LSAMP: variants seen among roughly 807,000 people sequenced by gnomAD.
LSAMP encodes limbic system associated membrane protein, also known as limbic system-associated membrane protein.
A neutral mutation model predicts 38.6 loss-of-function variants in LSAMP; 7 were observed. That is an observed-to-expected ratio of 0.18 (90% CI 0.10 to 0.34). LSAMP has a LOEUF of 0.34. Ranked by LOEUF, LSAMP falls within the 10% of genes least tolerant of loss-of-function variation. The pLI, the probability that LSAMP is intolerant of heterozygous loss-of-function variation, is 1.00. For missense variants in LSAMP, 313 were observed against 420.0 expected (o/e 0.75, Z 2.23); for synonymous variants, 154 against 166.8 (o/e 0.92, Z 0.59).
chr3:116,212,078 A>G (rs2046164659), intron 1 of LSAMP, among the ~76,000 whole-genome samples: 1 of 152,242 alleles, frequency 6.6e-6, no homozygotes, highest in African/African-American at 2.4e-5. Context: ...TACCCAATCC[A>G]GTGACACAGA....
At chr3:116,253,016 C>A (rs1328937113) in intron 1 of LSAMP, among the ~76,000 whole-genome samples, 1 of 152,148 alleles carries the variant, frequency 6.6e-6, no homozygotes, top group Non-Finnish European at 1.5e-5. Context: ...CGAATCAATA[C>A]GACATTCAAC....
Position 116,375,325 on chromosome 3 carries a change from A to C in LSAMP, c.155+69552T>G, listed in dbSNP as rs530792944. Reference sequence around the variant, plus strand: ...AAACAAACTGTTAATATTAAAAAACAGGCAAACTATTTTTTAAATTTTTTA... The same window carrying C: ...AAACAAACTGTTAATATTAAAAAACCGGCAAACTATTTTTTAAATTTTTTA... On this transcript the variant is annotated intron_variant, in intron 1 of 6. Transcript: ENST00000490035. Among the ~76,000 whole-genome samples the C allele has an allele frequency of 3.3e-5, 5 of 152,092 alleles. No individual in the cohort carries two copies. In the South Asian group the frequency reaches 1.0e-3, roughly 31 times the overall value.
intron 1 of LSAMP, among the ~76,000 whole-genome samples, chr3:116,409,270 A>T (rs1239875268): frequency 6.6e-6 from 1 of 152,058 alleles, no homozygotes; most frequent in Non-Finnish European, 1.5e-5. Context: ...AATTTGGCAC[A>T]GAGATGCTTT....
chr3:116,004,510 G>GTA lies in LSAMP; in HGVS notation c.514+15003_514+15004dup, dbSNP rs557334055. On this transcript the variant is annotated intron_variant, in intron 3 of 6. Coordinates refer to ENST00000490035, the MANE Select transcript of LSAMP (RefSeq NM_002338.5). ...CATACATGAAACCAAATGTGTGTGT[G>GTA]TATATATATGTGTATATATATATAT... Among the ~76,000 whole-genome samples, 987 of 130,280 alleles carry GTA rather than the reference G, an allele frequency of 7.6e-3. 6 individuals are homozygous for GTA. Among genetic ancestry groups the GTA allele is most frequent in the African/African-American group, 0.027 (899 of 33,536 alleles). 85.5% of individuals were successfully genotyped at this position (130,280 alleles called of 152,430 possible).
At chr3:115,930,374 C>T (rs1302347851) in intron 3 of LSAMP, among the ~76,000 whole-genome samples, 2 of 152,032 alleles carry the variant, frequency 1.3e-5, no homozygotes, top group African/African-American at 4.8e-5. Flanking sequence ...CTGAGCCCCT[C>T]CTTGAGGAGG....
chr3:115,873,208 A>G (rs1341793797), intron 3 of LSAMP, among the ~76,000 whole-genome samples: 4 of 152,020 alleles, frequency 2.6e-5, no homozygotes, highest in African/African-American at 9.7e-5. Context: ...TGTCTCTACC[A>G]AAAATACAAA....
intron 1 of LSAMP, among the ~76,000 whole-genome samples, chr3:116,390,146 C>G (rs1027399771): frequency 6.6e-6 from 1 of 151,904 alleles, no homozygotes; most frequent in Non-Finnish European, 1.5e-5. Context: ...CACACACACA[C>G]ACACACACAC....
chr3:116,251,199 T>C (rs1230268597), intron 1 of LSAMP, among the ~76,000 whole-genome samples: 3 of 152,226 alleles, frequency 2.0e-5, no homozygotes, highest in African/African-American at 2.4e-5. Flanking sequence ...GAATAAATTA[T>C]TGTTAATTTA....
At chr3:116,054,492 C>G (rs1368698196) in intron 2 of LSAMP, among the ~76,000 whole-genome samples, 3 of 152,094 alleles carry the variant, frequency 2.0e-5, no homozygotes, top group Non-Finnish European at 4.4e-5. Context: ...TAAGCATGGG[C>G]TCCTACAGAC....
chr3:115,905,636 T>C (rs4831205), intron 3 of LSAMP, among the ~76,000 whole-genome samples: 19,319 of 152,102 alleles, frequency 0.13, 1,416 homozygotes, highest in Middle Eastern at 0.2. Context: ...TAAGAATTAT[T>C]AAAGTCACAG....
chr3:116,308,455 G>T (rs1253743514), intron 1 of LSAMP, among the ~76,000 whole-genome samples: 1 of 152,032 alleles, frequency 6.6e-6, no homozygotes, highest in African/African-American at 2.4e-5. Context: ...ATTAATGAAT[G>T]AATGAATGCA....
chr3:116,349,467 AC>A (rs750224716), intron 1 of LSAMP, among the ~76,000 whole-genome samples: 15 of 146,312 alleles, frequency 1.0e-4, no homozygotes, highest in East Asian at 4.0e-4. Flanking sequence ...CAGAATAATG[AC>A]CCCCCCCAAA....
At chr3:116,313,246 G>A (rs1394715688) in intron 1 of LSAMP, among the ~76,000 whole-genome samples, 1 of 152,138 alleles carries the variant, frequency 6.6e-6, no homozygotes, top group African/African-American at 2.4e-5. Context: ...TACTCTGTTG[G>A]AGTCACAGGA....
intron 3 of LSAMP, among the ~76,000 whole-genome samples, chr3:115,994,533 T>C (rs1480907919): frequency 1.3e-5 from 2 of 152,096 alleles, no homozygotes; most frequent in African/African-American, 2.4e-5. Context: ...GTAACTGATA[T>C]AGTGTGCTGT....
At chr3:116,232,699 C>CTTTCTTTCTTTT (rs1310867132) in intron 1 of LSAMP, among the ~76,000 whole-genome samples, 4 of 99,450 alleles carry the variant, frequency 4.0e-5, no homozygotes, top group African/African-American at 1.3e-4. Context: ...TTCTTTCTTT[C>CTTTCTTTCTTTT]TTTTTTTTTT....
At chr3:116,040,708 T>TGGCTA (rs1215426838) in intron 2 of LSAMP, among the ~76,000 whole-genome samples, 2 of 152,156 alleles carry the variant, frequency 1.3e-5, no homozygotes, top group African/African-American at 4.8e-5. Flanking sequence ...AAACCTGAAG[T>TGGCTA]GGCTAGAGTA....
At chr3:116,366,447 A>G (rs1191202655) in intron 1 of LSAMP, among the ~76,000 whole-genome samples, 1 of 152,164 alleles carries the variant, frequency 6.6e-6, no homozygotes, top group African/African-American at 2.4e-5. Flanking sequence ...AAGCATAGGT[A>G]TAGTCTTTTG....
chr3:116,130,409 C>T (rs1709098369), intron 1 of LSAMP, among the ~76,000 whole-genome samples: 1 of 152,194 alleles, frequency 6.6e-6, no homozygotes, highest in Non-Finnish European at 1.5e-5. Context: ...AGCCAAAGTT[C>T]TTACATGAGG....
At chr3:116,160,067 G>A (rs1270073340) in intron 1 of LSAMP, among the ~76,000 whole-genome samples, 5 of 152,088 alleles carry the variant, frequency 3.3e-5, no homozygotes, top group African/African-American at 7.2e-5. Context: ...CAGACACTGG[G>A]GCCTACTCAG....
Sources: gnomAD v4.1 joint callset for allele counts (sites outside exome capture counted in the v4.1 genomes callset) on GRCh38, gnomAD v4.1.1 for gene constraint, MANE v1.5 for transcripts, NCBI Gene and HGNC (gene_info 2026-07-23, HGNC 2026-07-21) for gene names.